Variants in CCAR2 observed in about 807,000 individuals in gnomAD.
CCAR2 encodes cell cycle and apoptosis regulator 2.
In CCAR2, 21 loss-of-function variants were observed where a neutral mutation model predicts 108.1. The observed-to-expected ratio is 0.19, with a 90% CI of 0.14 to 0.28. The LOEUF (loss-of-function observed/expected upper bound fraction) is 0.28. CCAR2 is among the 10% of genes least tolerant of loss of function. CCAR2 has a pLI of 1.00. For synonymous variants in CCAR2, 577 were observed against 472.8 expected (o/e 1.22, Z -2.86); for missense variants, 1,126 against 1,177.0 (o/e 0.96, Z 0.63).
chr8:22,615,968 G>GTCTT lies in CCAR2; in HGVS notation c.1609-39_1609-36dup, dbSNP rs769763541. ...GGCTGGGATTTGTGGGCCTGAAGCA[G>GTCTT]TCTTTCTTCCTGATGCTCATGGACC... On this transcript the variant is annotated intron_variant, in intron 13 of 20. Transcript: ENST00000308511. 252 of 1,612,908 alleles carry GTCTT rather than the reference G, an allele frequency of 1.6e-4. 1 individual carries two copies. Among genetic ancestry groups the GTCTT allele is most frequent in the Middle Eastern group, 1.2e-3 (7 of 6,054 alleles).
At position 22,618,747 on chromosome 8, in the gene CCAR2, C is replaced by G. The variant is rs371080726; in HGVS notation, c.2332+19C>G. 1.1e-5 allele frequency: 17 copies of G among 1,613,638 alleles called. No individual in the cohort carries two copies. The African/African-American group carries it at 1.2e-4, about 11-fold the overall frequency. On this transcript the variant is annotated intron_variant, in intron 18 of 20. Coordinates refer to ENST00000308511, the MANE Select transcript of CCAR2 (RefSeq NM_001393997.1). ...CTCTTCGGTATGTTCTGGGGCCCTG[C>G]AGCCTTCCTGGGGCACGGGCAGGGC...
intron 14 of CCAR2, chr8:22,616,492 G>A: frequency 3.6e-6 from 2 of 555,244 alleles, no homozygotes; most frequent in South Asian, 4.3e-5. Flanking sequence ...GCTTGGCAGA[G>A]TGGGGTGCTT....
chr8:22,613,252 C>G, intron 8 of CCAR2, 116 bp downstream of exon 8: 1 of 1,144,444 alleles, frequency 8.7e-7, no homozygotes, highest in Non-Finnish European at 1.1e-6. Context: ...TCTTACAAAA[C>G]GAAAAGCACA....
intron 20 of CCAR2, 101 bp downstream of exon 20, chr8:22,619,456 G>T: frequency 6.9e-7 from 1 of 1,443,478 alleles, no homozygotes; most frequent in Non-Finnish European, 9.4e-7. Context: ...CAGAGGGCCA[G>T]CAGGCACCGG....
At chr8:22,611,388 A>ATATATGTGTGTG (rs1554559973) in intron 7 of CCAR2, among the ~76,000 whole-genome samples, 3 of 128,482 alleles carry the variant, frequency 2.3e-5, no homozygotes, top group African/African-American at 9.6e-5. Flanking sequence ...AAGTATATAT[A>ATATATGTGTGTG]TGTGTGTGTG....
chr8:22,617,159 T>TTAAATACTA (rs1400641568), intron 14 of CCAR2, among the ~76,000 whole-genome samples: 1 of 151,896 alleles, frequency 6.6e-6, no homozygotes, highest in Non-Finnish European at 1.5e-5. Context: ...TGCTGCTTGT[T>TTAAATACTA]TAAATACTAT....
intron 20 of CCAR2, 31 bp from the exon 21 acceptor site, chr8:22,619,607 C>T (rs752536976): frequency 1.0e-5 from 16 of 1,536,646 alleles, no homozygotes; most frequent in African/African-American, 4.6e-5. Context: ...TTGCCAGGCC[C>T]GATTCTGGGT....
intron 4 of CCAR2, 57 bp downstream of exon 4, chr8:22,606,755 A>G (rs1801095174): frequency 2.7e-5 from 41 of 1,502,614 alleles, no homozygotes; most frequent in Non-Finnish European, 3.6e-5. Flanking sequence ...TTCTGTCACC[A>G]TGCTGGTATT....
At position 22,619,742 on chromosome 8, in the gene CCAR2, C is replaced by G; in HGVS notation, c.*60C>G. The G allele has an allele frequency of 6.6e-7, 1 of 1,525,478 alleles. No individual in the cohort carries two copies. Among genetic ancestry groups the G allele is most frequent in the Non-Finnish European group, 8.9e-7 (1 of 1,126,826 alleles). The allele number at this position is 1,525,478 out of a possible 1,614,324, so 94.5% of individuals were successfully genotyped here. On this transcript the variant is annotated 3_prime_UTR_variant, in exon 21 of 21. Transcript: ENST00000308511. ...GCGGTGGCGCCCGGCAAAGTTGGAG[C>G]CCTTGCGGTACCAGAAAGCAGCGAG...
At chr8:22,619,386 A>G in intron 20 of CCAR2, 31 bp downstream of exon 20, 1 of 1,546,572 alleles carries the variant, frequency 6.5e-7, no homozygotes, top group Non-Finnish European at 8.7e-7. Flanking sequence ...GAGGCAGCAC[A>G]GCTCCTTTCC....
At position 22,615,593 on chromosome 8, in the gene CCAR2, A is replaced by C. The variant is rs1451471532; in HGVS notation, c.1374A>C (p.Gln458His). Residue 458 changes from glutamine to histidine, a missense_variant, in exon 12 of 21, where the codon CAA becomes CAC. This residue lies in a region of CCAR2 where 1,013 missense variants were observed against 993.9 expected (regional missense o/e 1.02). Transcript: ENST00000308511. ...CAGCTCCCCCAACCCAGGAGGCACA[A>C]GGGGTAAGGCTGTGCCTTAGCCAGC... ...AEAAPPTQEA[Q>H]GETEPTEQAP... The C allele has an allele frequency of 2.5e-6, 4 of 1,613,890 alleles. No individual in the cohort carries two copies. Among genetic ancestry groups the C allele is most frequent in the Non-Finnish European group, 3.4e-6 (4 of 1,180,004 alleles).
At position 22,618,889 on chromosome 8, in the gene CCAR2, C is replaced by A; in HGVS notation, c.2395C>A (p.His799Asn). The A allele has an allele frequency of 6.2e-7, 1 of 1,614,020 alleles. No homozygotes were observed. The highest frequency in any genetic ancestry group is 8.5e-7 in the Non-Finnish European group (1 of 1,180,050). The change falls in exon 19 of 21, where the codon CAC becomes AAC. Residue 799 changes from histidine to asparagine, a missense_variant. Physicochemically the swap from His to Asn is moderately conservative, Grantham distance 68. Transcript: ENST00000308511. ...STKPGAAPTE[H>N]KALVSHNGSL... Reference sequence around the variant, plus strand: ...GAAGCCAGGTGCTGCCCCCACAGAACACAAAGCCTTGGTGTCCCACAATGG... The same window carrying A: ...GAAGCCAGGTGCTGCCCCCACAGAAAACAAAGCCTTGGTGTCCCACAATGG...
In CCAR2 at chr8:22,606,937, G is replaced by A. The variant is rs765613238; in HGVS notation, c.270G>A (p.Leu90=). The A allele has an allele frequency of 1.4e-5, 23 of 1,613,998 alleles. No individual in the cohort carries two copies. The highest frequency in any genetic ancestry group is 1.8e-5 in the Non-Finnish European group (21 of 1,180,040). Residue 90 remains leucine, a synonymous_variant, in exon 5 of 21, where the codon CTG becomes CTA. Coordinates refer to ENST00000308511, the MANE Select transcript of CCAR2 (RefSeq NM_001393997.1). ...TGGTGAAGGGCCGTCTGCCCCAGCT[G>A]GGTGAGAAGGTGCTGGTGAAGGCTG... ...LSVVKGRLPQ[L]GEKVLVKAAY...
intron 2 of CCAR2, 93 bp from the exon 3 acceptor site, chr8:22,605,992 G>T: frequency 7.6e-7 from 1 of 1,322,288 alleles, no homozygotes; most frequent in Non-Finnish European, 1.1e-6. Context: ...GAGCTGGCTG[G>T]AGCTGTAGCC....
chr8:22,619,744 C>CT lies in CCAR2; in HGVS notation c.*64dup, dbSNP rs1455567618. 6.6e-7 allele frequency: 1 copy of CT among 1,521,764 alleles called. No homozygotes were observed. The highest frequency in any genetic ancestry group is 1.4e-5 in the African/African-American group (1 of 72,494). 94.3% of individuals were successfully genotyped at this position (1,521,764 alleles called of 1,614,324 possible). On this transcript the variant is annotated 3_prime_UTR_variant, in exon 21 of 21. Coordinates refer to ENST00000308511, the MANE Select transcript of CCAR2 (RefSeq NM_001393997.1). ...GGTGGCGCCCGGCAAAGTTGGAGCCCTTGCGGTACCAGAAAGCAGCGAGAG... is the reference window on the plus strand; with the variant it reads ...GGTGGCGCCCGGCAAAGTTGGAGCCCTTTGCGGTACCAGAAAGCAGCGAGAG...
chr8:22,607,087 C>T (rs1586946286), intron 5 of CCAR2, 63 bp downstream of exon 5: 2 of 1,607,458 alleles, frequency 1.2e-6, no homozygotes, highest in Non-Finnish European at 1.7e-6. Flanking sequence ...TGTGCCCTGA[C>T]AGCTGGGCAA....
At chr8:22,616,322 A>G in intron 14 of CCAR2, 74 bp downstream of exon 14, 1 of 1,422,954 alleles carries the variant, frequency 7.0e-7, no homozygotes, top group Non-Finnish European at 9.8e-7. Flanking sequence ...CTCTGTTCCG[A>G]GCGCTTCCTG....
chr8:22,609,079 C>T (rs541975916), intron 7 of CCAR2, among the ~76,000 whole-genome samples: 72 of 135,408 alleles, frequency 5.3e-4, no homozygotes, highest in African/African-American at 2.0e-3. Context: ...GAGACAAGGG[C>T]TTGCTCCGTC....
In CCAR2 at chr8:22,614,840, T is replaced by G. The variant is rs1314468512; in HGVS notation, c.1044T>G (p.Phe348Leu). The G allele has an allele frequency of 1.2e-6, 2 of 1,613,984 alleles. No homozygotes were observed. Among genetic ancestry groups the G allele is most frequent in the Admixed American group, 1.7e-5 (1 of 60,028 alleles). ...GTATCCCTGATCTCTTCTTGCAGTT[T>G]TTGCTGGGCAGGAAAGAAGAGGAGG... ...TPEHPLKQIK[F>L]LLGRKEEEAV... The change falls in exon 11 of 21, where the codon TTT (phenylalanine) becomes TTG (leucine). Residue 348 changes from phenylalanine to leucine, a missense_variant and splice_region_variant. Transcript: ENST00000308511.
Sources: gnomAD v4.1 joint callset for allele counts (sites outside exome capture counted in the v4.1 genomes callset) on GRCh38, gnomAD v4.1.1 for gene constraint, gnomAD v4.1.1 regional missense constraint, MANE v1.5 for transcripts, NCBI Gene and HGNC (gene_info 2026-07-23, HGNC 2026-07-21) for gene names.